Variants in DSE observed in about 807,000 individuals in gnomAD.
DSE encodes dermatan sulfate epimerase, also known as dermatan-sulfate epimerase.
In DSE, 36 loss-of-function variants were observed where a neutral mutation model predicts 84.4. The observed-to-expected ratio is 0.43, with a 90% CI of 0.33 to 0.56. The LOEUF is 0.56. DSE is among the 20% of genes least tolerant of loss of function. The pLI, the probability that DSE is intolerant of heterozygous loss-of-function variation, is 0.06. For synonymous variants in DSE, 410 were observed against 430.1 expected (o/e 0.95, Z 0.58); for missense variants, 862 against 1,169.6 (o/e 0.74, Z 3.84).
chr6:116,369,929 TA>T, upstream of DSE: 1 of 1,289,314 alleles, frequency 7.8e-7, no homozygotes, highest in Non-Finnish European at 1.0e-6. Flanking sequence ...AATGAATGGG[TA>T]AGTATCCTAC....
In DSE at chr6:116,444,157, T is replaced by C. The variant is rs933537715; in HGVS notation, c.*6812T>C. ...TCTATATATTCAAACCTCCGTATTT[T>C]TTGATACAAAAAGGACTGATGAAAG... On this transcript the variant is annotated 3_prime_UTR_variant, in exon 6 of 6. Coordinates refer to ENST00000644252, the MANE Select transcript of DSE (RefSeq NM_013352.4). The C allele has an allele frequency of 6.6e-6, 1 of 152,230 alleles. No individual in the cohort carries two copies. The highest frequency in any genetic ancestry group is 2.4e-5 in the African/African-American group (1 of 41,462). The allele number at this position is 152,230 out of a possible 1,614,324, so 9.4% of individuals were successfully genotyped here. A position where few individuals can be genotyped will look rare whatever the true frequency, so the allele number is the denominator to read the frequency against.
At chr6:116,301,977 A>G (rs994143841) in intron 2 of DSE, among the ~76,000 whole-genome samples, 1 of 152,100 alleles carries the variant, frequency 6.6e-6, no homozygotes, top group Non-Finnish European at 1.5e-5. Flanking sequence ...ATCCTTTTTT[A>G]TGGCTGCATA....
chr6:116,319,818 G>A (rs143880277), intron 2 of DSE, among the ~76,000 whole-genome samples: 1 of 152,170 alleles, frequency 6.6e-6, no homozygotes, highest in Admixed American at 6.5e-5. Flanking sequence ...CATCCAACAT[G>A]TTGTTTTCAT....
chr6:116,346,993 A>C lies in DSE; in HGVS notation c.-53-52205A>C, dbSNP rs372658530. 3.4e-3 allele frequency among the ~76,000 whole-genome samples: 517 copies of C among 152,176 alleles called. 2 individuals are homozygous for C. The highest frequency in any genetic ancestry group is 0.012 in the African/African-American group (482 of 41,536). ...CACCAATAACAGACAAACAGAGAGCAAAATCATGAGTGAACTCCCATTCAC... is the reference window on the plus strand; with the variant it reads ...CACCAATAACAGACAAACAGAGAGCCAAATCATGAGTGAACTCCCATTCAC... On this transcript the variant is annotated intron_variant, in intron 2 of 3. Transcript: ENST00000430252.
rs187363456 is a variant in DSE, at chr6:116,436,155, C to T, written c.1687C>T (p.Pro563Ser). The T allele has an allele frequency of 1.2e-5, 19 of 1,613,212 alleles. No homozygotes were observed. The East Asian group carries it at 3.3e-4, about 28-fold the overall frequency. Residue 563 changes from proline (P) to serine (S), a missense_variant, in exon 6 of 6, where the codon CCA becomes TCA. By Grantham distance (74) the Pro-to-Ser change is moderately conservative. Around this residue, in one of 4 missense-constraint regions of DSE, gnomAD observed 186 missense variants for 255.1 expected, o/e 0.73. Transcript: ENST00000644252. ...TCAGAGGAATCTCATCCTCCTACAT[C>T]CACAGCTGCTTCTCCTTGTAGACCA... Reference protein sequence around the residue: ...NVQRNLILLHPQLLLLVDQIH... With the variant: ...NVQRNLILLHSQLLLLVDQIH...
intron 2 of DSE, among the ~76,000 whole-genome samples, chr6:116,413,794 C>T (rs977289305): frequency 2.6e-5 from 4 of 152,142 alleles, no homozygotes; most frequent in African/African-American, 7.2e-5. Flanking sequence ...TATCATTTCA[C>T]GTATGCTAGC....
At chr6:116,270,504 C>T (rs983453782) in intron 2 of DSE, among the ~76,000 whole-genome samples, 2 of 152,150 alleles carry the variant, frequency 1.3e-5, no homozygotes, top group East Asian at 3.8e-4. Flanking sequence ...TAGTTCTTTA[C>T]ATCTCAGCAG....
At chr6:116,335,873 A>G (rs1317352530) in intron 2 of DSE, among the ~76,000 whole-genome samples, 1 of 152,220 alleles carries the variant, frequency 6.6e-6, no homozygotes, top group Admixed American at 6.5e-5. Flanking sequence ...TGTTTTCAGG[A>G]AAAACTGCTC....
At chr6:116,268,051 G>C (rs76531351) in intron 2 of DSE, among the ~76,000 whole-genome samples, 6,520 of 152,282 alleles carry the variant, frequency 0.043, 221 homozygotes, top group African/African-American at 0.091. Flanking sequence ...GTATCAAGTA[G>C]TGTACAGTAA....
At position 116,436,779 on chromosome 6, in the gene DSE, AG is replaced by A; in HGVS notation, c.2313del (p.Lys772ArgfsTer7). The A allele has an allele frequency of 6.2e-7, 1 of 1,614,168 alleles. No individual in the cohort carries two copies. Among genetic ancestry groups the A allele is most frequent in the Non-Finnish European group, 8.5e-7 (1 of 1,180,020 alleles). The stretch of plus-strand genomic sequence containing the variant: ...CCGAGTCCGGAACACAGCTAGCTTT[AG>A]GAAGACTGCTGAACGCCTGCTGAGA... ...LSRVRNTASF[R>X]KTAERLLRFS... On this transcript the variant is annotated frameshift_variant, in exon 6 of 6. Coordinates refer to ENST00000644252, the MANE Select transcript of DSE (RefSeq NM_013352.4). LOFTEE classifies it high-confidence loss of function.
intron 1 of DSE, among the ~76,000 whole-genome samples, chr6:116,257,059 T>C (rs1423206902): frequency 6.6e-6 from 1 of 152,248 alleles, no homozygotes; most frequent in Non-Finnish European, 1.5e-5. Context: ...TACTAAAGTA[T>C]AAAGATTGGA....
chr6:116,350,356 G>T (rs1318251580), intron 2 of DSE, among the ~76,000 whole-genome samples: 3 of 152,100 alleles, frequency 2.0e-5, no homozygotes, highest in African/African-American at 7.2e-5. Flanking sequence ...AACTTCTGTG[G>T]CAATAAATTC....
Position 116,431,087 on chromosome 6 carries a change from A to G in DSE, c.804A>G (p.Ser268=), listed in dbSNP as rs1278876998. Residue 268 remains serine, a synonymous_variant, in exon 4 of 6, where the codon TCA becomes TCG. Transcript: ENST00000644252. Reference sequence around the variant, plus strand: ...CGTATGGCAGCTACACCACTAGATCACTCTTCCAATACATGTTTCTCGTCC... The same window carrying G: ...CGTATGGCAGCTACACCACTAGATCGCTCTTCCAATACATGTTTCTCGTCC... ...GVAYGSYTTR[S]LFQYMFLVQR... The G allele has an allele frequency of 6.2e-7, 1 of 1,613,940 alleles. No homozygotes were observed.
chr6:116,372,842 C>A (rs1779689722), intron 1 of DSE, among the ~76,000 whole-genome samples: 1 of 152,174 alleles, frequency 6.6e-6, no homozygotes, highest in Non-Finnish European at 1.5e-5. Flanking sequence ...TGAGATCAGC[C>A]TTAGCTCTCT....
chr6:116,355,182 G>A (rs916944230), intron 2 of DSE, among the ~76,000 whole-genome samples: 18 of 152,126 alleles, frequency 1.2e-4, no homozygotes, highest in African/African-American at 4.1e-4. Context: ...TCTAAGGAGT[G>A]GAATTGCTGG....
At chr6:116,390,752 T>G (rs80168585) in intron 1 of DSE, among the ~76,000 whole-genome samples, 7,536 of 152,278 alleles carry the variant, frequency 0.049, 336 homozygotes, top group Non-Finnish European at 0.071. Context: ...ACCGTTTCAT[T>G]TTCTCTTTTG....
At chr6:116,394,745 A>G (rs950652393) in intron 1 of DSE, among the ~76,000 whole-genome samples, 4 of 152,352 alleles carry the variant, frequency 2.6e-5, no homozygotes, top group Admixed American at 6.5e-5. Context: ...GACATAAGAC[A>G]AATGAATGGG....
chr6:116,278,505 C>CA lies in DSE; in HGVS notation c.-54+19540dup, dbSNP rs1773273532. ...AGGAGACCTTGTGCAGGAGTATTCCCAAGGGCAAATGTTAACCAGACTGGA... is the reference window on the plus strand; with the variant it reads ...AGGAGACCTTGTGCAGGAGTATTCCCAAAGGGCAAATGTTAACCAGACTGGA... On this transcript the variant is annotated intron_variant, in intron 2 of 3. Transcript: ENST00000430252. The CA allele has an allele frequency of 4.3e-6, 7 of 1,613,756 alleles. No homozygotes were observed. The East Asian group carries it at 1.6e-4, about 36-fold the overall frequency.
chr6:116,363,871 TA>T (rs1402217622), intron 2 of DSE, among the ~76,000 whole-genome samples: 5 of 152,220 alleles, frequency 3.3e-5, no homozygotes, highest in Admixed American at 3.3e-4. Flanking sequence ...CATTTTTTCA[TA>T]AATTGCCAGA....
Sources: gnomAD v4.1 joint callset for allele counts (sites outside exome capture counted in the v4.1 genomes callset) on GRCh38, gnomAD v4.1.1 for gene constraint, gnomAD v4.1.1 regional missense constraint, MANE v1.5 for transcripts, NCBI Gene and HGNC (gene_info 2026-07-23, HGNC 2026-07-21) for gene names.